NAV2: variants seen among roughly 807,000 people sequenced by gnomAD.
NAV2 encodes helicase, APC down-regulated 1.
NAV2 carries 54 observed loss-of-function variants against 223.2 expected under a neutral mutation model. That is an observed-to-expected ratio of 0.24 (90% CI 0.19 to 0.30). NAV2 has a LOEUF of 0.30. Among genes scored for constraint, NAV2 ranks in the 10% least tolerant of loss-of-function variants. The pLI, the probability that NAV2 is intolerant of heterozygous loss-of-function variation, is 1.00. For synonymous variants in NAV2, 1,279 were observed against 1,239.3 expected, an observed-to-expected ratio of 1.03 and a Z score of -0.67; for missense variants, 2,806 against 3,147.5, an observed-to-expected ratio of 0.89 and a Z score of 2.60.
intron 22 of NAV2, among the ~76,000 whole-genome samples, chr11:20,072,071 GT>G (rs1234922053): frequency 6.6e-6 from 1 of 152,146 alleles, no homozygotes; most frequent in Non-Finnish European, 1.5e-5. Flanking sequence ...ATGATTTTAG[GT>G]CTTAGGTTTA....
intron 1 of NAV2, chr11:19,506,352 AG>A (rs2134192225): frequency 6.6e-6 from 1 of 152,432 alleles, no homozygotes; most frequent in African/African-American, 2.4e-5. Flanking sequence ...CAAGTCAGGC[AG>A]GGCAGCAGCC....
intron 3 of NAV2, among the ~76,000 whole-genome samples, chr11:19,848,144 G>A (rs2060907927): frequency 6.6e-6 from 1 of 152,156 alleles, no homozygotes; most frequent in African/African-American, 2.4e-5. Flanking sequence ...GAGCTCTATG[G>A]AAAATGCCAG....
intron 2 of NAV2, among the ~76,000 whole-genome samples, chr11:19,841,055 G>A (rs1364510819): frequency 6.6e-6 from 1 of 152,134 alleles, no homozygotes; most frequent in Non-Finnish European, 1.5e-5. Flanking sequence ...CCTCTTTTGG[G>A]AGCAAGGCTT....
At chr11:19,794,795 G>A (rs527743541) in intron 1 of NAV2, among the ~76,000 whole-genome samples, 5 of 152,164 alleles carry the variant, frequency 3.3e-5, no homozygotes, top group African/African-American at 1.2e-4. Context: ...GTATTCTTGA[G>A]GTAAACTTAC....
At chr11:19,529,732 C>A (rs541888845) in intron 1 of NAV2, among the ~76,000 whole-genome samples, 1 of 152,232 alleles carries the variant, frequency 6.6e-6, no homozygotes, top group African/African-American at 2.4e-5. Context: ...GACAGGGCAC[C>A]CCCTTGTCCT....
At chr11:20,043,245 CA>C (rs140827627) in intron 12 of NAV2, among the ~76,000 whole-genome samples, 2,695 of 152,238 alleles carry the variant, frequency 0.018, 79 homozygotes, top group African/African-American at 0.061. Context: ...GAAGGCAGAA[CA>C]AAGGGAAACG....
At chr11:19,817,505 G>A (rs2059150075) in intron 1 of NAV2, among the ~76,000 whole-genome samples, 1 of 152,170 alleles carries the variant, frequency 6.6e-6, no homozygotes, top group African/African-American at 2.4e-5. Context: ...ACCTGGAGCG[G>A]GGCTTTTGGG....
intron 3 of NAV2, among the ~76,000 whole-genome samples, chr11:19,865,232 A>G (rs2062021162): frequency 6.6e-6 from 1 of 152,140 alleles, no homozygotes; most frequent in South Asian, 2.1e-4. Flanking sequence ...AAGTCTTGTT[A>G]AAGATGGGCA....
intron 11 of NAV2, among the ~76,000 whole-genome samples, chr11:20,018,575 C>T (rs1486914788): frequency 2.0e-5 from 3 of 152,078 alleles, no homozygotes; most frequent in African/African-American, 4.8e-5. Flanking sequence ...GGAAGTACTA[C>T]ACAGTCCCCA....
At chr11:20,019,271 G>A (rs1342073865) in intron 11 of NAV2, among the ~76,000 whole-genome samples, 1 of 152,144 alleles carries the variant, frequency 6.6e-6, no homozygotes, top group Non-Finnish European at 1.5e-5. Context: ...TTGGGTTCAA[G>A]GTATATTTGG....
intron 1 of NAV2, among the ~76,000 whole-genome samples, chr11:19,548,414 C>G (rs1023794190): frequency 6.6e-6 from 1 of 152,136 alleles, no homozygotes; most frequent in African/African-American, 2.4e-5. Context: ...ACCTCCATTT[C>G]GCAGATGCAG....
chr11:19,790,785 C>T (rs1482418099), intron 1 of NAV2, among the ~76,000 whole-genome samples: 1 of 152,164 alleles, frequency 6.6e-6, no homozygotes, highest in Non-Finnish European at 1.5e-5. Context: ...CACCAAGTCG[C>T]TAACAGTTGT....
At chr11:19,555,829 C>T (rs1398406367) in intron 1 of NAV2, among the ~76,000 whole-genome samples, 1 of 152,122 alleles carries the variant, frequency 6.6e-6, no homozygotes, top group Non-Finnish European at 1.5e-5. Flanking sequence ...GATGTACCTT[C>T]CTCGAGCCCA....
chr11:19,376,425 C>A (rs1848643018), intron 1 of NAV2, among the ~76,000 whole-genome samples: 1 of 152,136 alleles, frequency 6.6e-6, no homozygotes, highest in Non-Finnish European at 1.5e-5. Flanking sequence ...CACTTAGAAA[C>A]CCCTACTGCA....
chr11:20,054,263 C>G, intron 18 of NAV2, 23 bp downstream of exon 18: 1 of 1,591,552 alleles, frequency 6.3e-7, no homozygotes, highest in Non-Finnish European at 8.5e-7. Flanking sequence ...TTGTCATTAC[C>G]TATGTTGATC....
intron 10 of NAV2, among the ~76,000 whole-genome samples, chr11:19,959,312 G>A (rs376738397): frequency 6.6e-6 from 1 of 152,166 alleles, no homozygotes; most frequent in East Asian, 1.9e-4. Flanking sequence ...AGGGCGCAGA[G>A]GGGAAGAACA....
intron 1 of NAV2, among the ~76,000 whole-genome samples, chr11:19,397,941 T>C (rs745938676): frequency 3.9e-5 from 6 of 152,056 alleles, no homozygotes; most frequent in Admixed American, 6.5e-5. Flanking sequence ...GTGATGGGAA[T>C]AGGGATAGTA....
intron 11 of NAV2, among the ~76,000 whole-genome samples, chr11:20,020,101 C>T (rs943408978): frequency 1.1e-4 from 17 of 151,950 alleles, no homozygotes; most frequent in African/African-American, 3.9e-4. Context: ...AGAAAAGGAA[C>T]GAAGTGTCTT....
chr11:19,617,870 A>T (rs1439806860), intron 1 of NAV2, among the ~76,000 whole-genome samples: 2 of 152,108 alleles, frequency 1.3e-5, no homozygotes, highest in Non-Finnish European at 2.9e-5. Context: ...TCCAGTCACA[A>T]TGGCACACAC....
Sources: allele counts gnomAD v4.1 joint callset (sites outside exome capture counted in the v4.1 genomes callset), GRCh38; gene constraint gnomAD v4.1.1; transcripts MANE v1.5; gene names NCBI Gene and HGNC (gene_info 2026-07-23, HGNC 2026-07-21).